UGT2A2: variants seen among roughly 807,000 people sequenced by gnomAD.
The protein encoded by UGT2A2 is UDP-glucuronosyltransferase 2A2.
A neutral mutation model predicts 50.7 loss-of-function variants in UGT2A2; 60 were observed. That is an observed-to-expected ratio of 1.18 (90% CI 0.96 to 1.47). UGT2A2 has a LOEUF of 1.47. Ranked by LOEUF, UGT2A2 falls within the 40% of genes most tolerant of loss-of-function variation. The pLI, the probability that UGT2A2 is intolerant of heterozygous loss-of-function variation, is 0.00. For synonymous variants in UGT2A2, 242 were observed against 214.6 expected (o/e 1.13, Z -1.11); for missense variants, 762 against 634.0 (o/e 1.20, Z -2.17).
At chr4:69,617,332 A>G (rs1720461457) in intron 1 of UGT2A2, among the ~76,000 whole-genome samples, 1 of 151,944 alleles carries the variant, frequency 6.6e-6, no homozygotes, top group Non-Finnish European at 1.5e-5. Context: ...TGGTGAGTCC[A>G]AATTATTAGG....
chr4:69,611,700 A>T (rs1193031652), intron 1 of UGT2A2, among the ~76,000 whole-genome samples: 1 of 152,158 alleles, frequency 6.6e-6, no homozygotes, highest in African/African-American at 2.4e-5. Context: ...TTTACAAATC[A>T]CTTTTGAGTA....
At chr4:69,599,182 C>T in intron 2 of UGT2A2, 64 bp downstream of exon 2, 1 of 1,512,958 alleles carries the variant, frequency 6.6e-7, no homozygotes, top group South Asian at 1.3e-5. Context: ...AGGCTATAAA[C>T]TTTAAAAGAA....
chr4:69,615,956 C>T (rs1488671558), intron 1 of UGT2A2, among the ~76,000 whole-genome samples: 2 of 152,026 alleles, frequency 1.3e-5, no homozygotes, highest in African/African-American at 2.4e-5. Context: ...TATCTGTACA[C>T]CCATGTTTAT....
chr4:69,595,763 A>G (rs1718886651), intron 3 of UGT2A2, among the ~76,000 whole-genome samples: 1 of 152,220 alleles, frequency 6.6e-6, no homozygotes, highest in Admixed American at 6.5e-5. Flanking sequence ...GAGAATATTC[A>G]ACTTAGAAAG....
At chr4:69,595,332 A>C (rs1242834021) in intron 3 of UGT2A2, 83 bp from the exon 4 acceptor site, 2 of 1,508,544 alleles carry the variant, frequency 1.3e-6, no homozygotes, top group African/African-American at 2.8e-5. Flanking sequence ...GAAATCATTT[A>C]GCCAGCTACT....
At chr4:69,590,566 G>C (rs184155269) in intron 5 of UGT2A2, among the ~76,000 whole-genome samples, 1 of 152,070 alleles carries the variant, frequency 6.6e-6, no homozygotes, top group African/African-American at 2.4e-5. Context: ...TGGGGAATGG[G>C]GAACATGGTC....
intron 1 of UGT2A2, among the ~76,000 whole-genome samples, chr4:69,626,989 C>T (rs1721097633): frequency 6.6e-6 from 1 of 151,678 alleles, no homozygotes; most frequent in African/African-American, 2.4e-5. Flanking sequence ...TAAAATTAAA[C>T]ACTTCTCCAG....
At chr4:69,634,384 G>A (rs1721563405) in intron 1 of UGT2A2, among the ~76,000 whole-genome samples, 1 of 152,088 alleles carries the variant, frequency 6.6e-6, no homozygotes, top group Admixed American at 6.5e-5. Flanking sequence ...GTTTTCCAGG[G>A]AAAGGGTGGG....
chr4:69,639,127 A>G lies in UGT2A2; in HGVS notation c.514T>C (p.Leu172=). The G allele has an allele frequency of 6.2e-7, 1 of 1,613,612 alleles. No individual in the cohort carries two copies. Among genetic ancestry groups the G allele is most frequent in the Non-Finnish European group, 8.5e-7 (1 of 1,179,742 alleles). The change falls in exon 1 of 6, where the codon TTA becomes CTA. Residue 172 remains leucine, a synonymous_variant. Transcript: ENST00000604629. ...AATGTGTACATAAATGGAATTCCTA[A>G]TTTCAGAGCAACAAGATCACCACAG... is the stretch of plus-strand genomic sequence containing the variant. The part of the protein sequence containing the change: ...TICGDLVALK[L]GIPFMYTLRF...
rs1409288095 is a variant in UGT2A2, at chr4:69,638,979, T to C, written c.662A>G (p.Asn221Ser). 1 of 1,612,628 alleles carries C rather than the reference T, an allele frequency of 6.2e-7. No individual in the cohort carries two copies. The highest frequency in any genetic ancestry group is 1.1e-5 in the South Asian group (1 of 90,938). The change falls in exon 1 of 6, where the codon AAT becomes AGT. Residue 221 changes from asparagine (N) to serine (S), a missense_variant. By Grantham distance (46) the Asn-to-Ser change is conservative. Coordinates refer to ENST00000604629, the MANE Select transcript of UGT2A2 (RefSeq NM_001105677.2). ...GTCTTGCAGAGAATAAGATATGGTA[T>C]TTTTAATCCTTTCACCAAAGGTCAT... ...DQMTFGERIK[N>S]TISYSLQDYI... is the part of the protein sequence containing the mutation.
intron 1 of UGT2A2, among the ~76,000 whole-genome samples, chr4:69,626,403 T>C (rs1453395702): frequency 6.6e-6 from 1 of 151,598 alleles, no homozygotes; most frequent in Non-Finnish European, 1.5e-5. Flanking sequence ...TATGTATACA[T>C]GAAGTAACTA....
intron 1 of UGT2A2, among the ~76,000 whole-genome samples, chr4:69,609,471 C>T (rs1360360630): frequency 1.3e-5 from 2 of 152,094 alleles, no homozygotes; most frequent in African/African-American, 4.8e-5. Context: ...GCTGGGATTA[C>T]AGGTGTAGCA....
chr4:69,630,087 TAAGATTATATTAA>T (rs1303633775), intron 1 of UGT2A2, among the ~76,000 whole-genome samples: 1 of 152,052 alleles, frequency 6.6e-6, no homozygotes, highest in Non-Finnish European at 1.5e-5. Context: ...ATAGTGTAAT[TAAGATTATATTAA>T]AAGATTATAT....
Position 69,605,092 on chromosome 4 carries a change from A to C in UGT2A2, c.743-5698T>G, listed in dbSNP as rs189108973. 2.2e-5 allele frequency among the ~76,000 whole-genome samples: 3 copies of C among 137,010 alleles called. 1 individual carries two copies. The East Asian group carries it at 6.2e-4, about 28-fold the overall frequency. The allele number at this position is 137,010 out of a possible 152,430, so 89.9% of individuals were successfully genotyped here. A position where few individuals can be genotyped will look rare whatever the true frequency, so the allele number is the denominator to read the frequency against. On this transcript the variant is annotated intron_variant, in intron 1 of 5. Coordinates refer to ENST00000604629, the MANE Select transcript of UGT2A2 (RefSeq NM_001105677.2). ...AGACCTAATACACATCTACAGAATT[A>C]TCCACCCCAAATCAACAGAATATAC...
chr4:69,589,651 A>G lies in UGT2A2; in HGVS notation c.1332T>C (p.Ser444=), dbSNP rs745857048. The change falls in exon 6 of 6, where the codon TCT becomes TCC. Residue 444 remains serine (S), a splice_region_variant and synonymous_variant. Transcript: ENST00000604629. ...ATAACCTCATAGCATTCTCTTTATA[A>G]CTAGAAGACAAATAAATAGGCAGAA... The part of the protein sequence containing the change: ...SALRTVINEP[S]YKENAMRLSR... 6.3e-7 allele frequency: 1 copy of G among 1,592,482 alleles called. No homozygotes were observed. The highest frequency in any genetic ancestry group is 1.1e-5 in the South Asian group (1 of 88,160).
chr4:69,596,337 CACA>C lies in UGT2A2; in HGVS notation c.933_935del (p.Val313del), dbSNP rs750152708. 2.5e-6 allele frequency: 4 copies of C among 1,605,132 alleles called. No individual in the cohort carries two copies. Among genetic ancestry groups the C allele is most frequent in the Non-Finnish European group, 3.4e-6 (4 of 1,174,874 alleles). On this transcript the variant is annotated inframe_deletion, in exon 3 of 6. Transcript: ENST00000604629. The stretch of plus-strand genomic sequence containing the variant: ...TGACCATTGATCCCAGAGAAAACAC[CACA>C]ACACCATTTTTACCTGAGCTCTGGA...
Position 69,596,341 on chromosome 4 carries a change from A to G in UGT2A2, c.932T>C (p.Val311Ala), listed in dbSNP as rs762243860. 25 of 1,605,908 alleles carry G rather than the reference A, an allele frequency of 1.6e-5. No homozygotes were observed. Among genetic ancestry groups the G allele is most frequent in the African/African-American group, 2.7e-5 (2 of 74,564 alleles). Residue 311 changes from valine (V) to alanine (A), a missense_variant, in exon 3 of 6, where the codon GTT becomes GCT. By Grantham distance (64) the Val-to-Ala change is moderately conservative (BLOSUM62 0). Transcript: ENST00000604629. ...EFIQSSGKNG[V>A]VVFSLGSMVK... ...CATTGATCCCAGAGAAAACACCACA[A>G]CACCATTTTTACCTGAGCTCTGGAT...
intron 1 of UGT2A2, among the ~76,000 whole-genome samples, chr4:69,637,688 G>A (rs1721788747): frequency 6.6e-6 from 1 of 151,976 alleles, no homozygotes; most frequent in Non-Finnish European, 1.5e-5. Flanking sequence ...ATATATCACA[G>A]GCTAAATTTA....
At chr4:69,610,515 A>G (rs1719969973) in intron 1 of UGT2A2, among the ~76,000 whole-genome samples, 1 of 152,198 alleles carries the variant, frequency 6.6e-6, no homozygotes, top group Admixed American at 6.6e-5. Flanking sequence ...AACTTTAAAC[A>G]CAAACTTTAA....
Sources: allele counts gnomAD v4.1 joint callset (sites outside exome capture counted in the v4.1 genomes callset), GRCh38; gene constraint gnomAD v4.1.1; transcripts MANE v1.5; gene names NCBI Gene and HGNC (gene_info 2026-07-23, HGNC 2026-07-21).